GGA1: variants seen among roughly 807,000 people sequenced by gnomAD.
GGA1 encodes the protein ADP-ribosylation factor-binding protein GGA1.
A neutral mutation model predicts 76.9 loss-of-function variants in GGA1; 18 were observed. The ratio of observed to expected loss-of-function variants is 0.23; its 90% CI spans 0.16 to 0.35. GGA1 has a LOEUF of 0.35. GGA1 is among the 10% of genes least tolerant of loss of function. The probability of loss-of-function intolerance (pLI) is 1.00; values close to 1 mark genes in which losing one functional copy is unlikely to be tolerated. For synonymous variants in GGA1, 342 were observed against 354.7 expected, an observed-to-expected ratio of 0.96 and a Z score of 0.40; for missense variants, 755 against 859.0, an observed-to-expected ratio of 0.88 and a Z score of 1.51.
chr22:37,632,667 G>C lies in GGA1; in HGVS notation c.1876G>C (p.Asp626His), dbSNP rs773526813. Residue 626 changes from aspartate to histidine, a missense_variant, in exon 17 of 17, where the codon GAT (aspartate) becomes CAT (histidine). Physicochemically the swap from Asp to His is moderately conservative, Grantham distance 81. Coordinates refer to ENST00000343632, the MANE Select transcript of GGA1 (RefSeq NM_013365.5). This position sits in a 1 kb window ranked among gnomAD's most constrained non-coding sequence, Gnocchi z 5.1. ...TGACCAGACCTACAACGAGATGGGG[G>C]ATGTGGACCAGTTCCCCCCACCTGA... Reference protein sequence around the residue: ...MGDQTYNEMGDVDQFPPPETW... With the variant: ...MGDQTYNEMGHVDQFPPPETW... 6.2e-7 allele frequency: 1 copy of C among 1,613,052 alleles called. No individual in the cohort carries two copies. Among genetic ancestry groups the C allele is most frequent in the Admixed American group, 1.7e-5 (1 of 60,004 alleles).
chr22:37,623,668 C>T lies in GGA1; in HGVS notation c.832+35C>T. On this transcript the variant is annotated intron_variant, in intron 9 of 16. Transcript: ENST00000343632. The surrounding 1 kb of genome is among the most constrained non-coding windows in gnomAD (Gnocchi z 4.6). Reference sequence around the variant, plus strand: ...GGGCAGGTGCTGAGGTCAGGTCCCCCCCTCTCCCTCCACCTCCTGCCCCCA... The same window carrying T: ...GGGCAGGTGCTGAGGTCAGGTCCCCTCCTCTCCCTCCACCTCCTGCCCCCA... 2 of 1,373,388 alleles carry T rather than the reference C, an allele frequency of 1.5e-6. No homozygotes were observed. The highest frequency in any genetic ancestry group is 2.0e-6 in the Non-Finnish European group (2 of 985,380). The allele number at this position is 1,373,388 out of a possible 1,614,324, so 85.1% of individuals were successfully genotyped here. A position where few individuals can be genotyped will look rare whatever the true frequency, so the allele number is the denominator to read the frequency against.
chr22:37,627,870 G>A (rs1365104385), intron 11 of GGA1, among the ~76,000 whole-genome samples: 1 of 152,242 alleles, frequency 6.6e-6, no homozygotes, highest in South Asian at 2.1e-4. Context: ...AGGGGTGGGA[G>A]ACAGGTTCCT....
chr22:37,615,899 G>A (rs192812659), intron 2 of GGA1, among the ~76,000 whole-genome samples: 27 of 151,028 alleles, frequency 1.8e-4, no homozygotes, highest in Middle Eastern at 3.4e-3. Context: ...GGAGTGCATT[G>A]GCACGATCTC....
At chr22:37,615,944 G>A (rs1468453392) in intron 2 of GGA1, among the ~76,000 whole-genome samples, 1 of 151,512 alleles carries the variant, frequency 6.6e-6, no homozygotes, top group African/African-American at 2.4e-5. Context: ...AGGTTCACGC[G>A]GTTCTCCTGC....
In GGA1 at chr22:37,622,578, C is replaced by A. The variant is rs150179500; in HGVS notation, c.610-749C>A. ...GACCAAAGGCACACGCTACAGCGCC[C>A]GGCTAATTTTATTTTTTGTAGAGAC... On this transcript the variant is annotated intron_variant, in intron 7 of 16. Transcript: ENST00000343632. Among the ~76,000 whole-genome samples the A allele has an allele frequency of 3.3e-5, 5 of 152,004 alleles. No homozygotes were observed. In the East Asian group the frequency reaches 9.7e-4, roughly 29 times the overall value.
chr22:37,628,157 A>G (rs1210586613), intron 11 of GGA1, among the ~76,000 whole-genome samples: 1 of 152,144 alleles, frequency 6.6e-6, no homozygotes, highest in Admixed American at 6.6e-5. Context: ...GGGTCTCACT[A>G]TATTGCTCAG....
chr22:37,624,914 G>T lies in GGA1; in HGVS notation c.833-55G>T. ...GGATGTGGGGTCCTCGTCCCCTGCC[G>T]CCCAGAGGCCCCCACAGTCCTTCAG... On this transcript the variant is annotated intron_variant, in intron 9 of 16. Coordinates refer to ENST00000343632, the MANE Select transcript of GGA1 (RefSeq NM_013365.5). The surrounding 1 kb of genome is among the most constrained non-coding windows in gnomAD (Gnocchi z 4.3). The T allele has an allele frequency of 6.5e-7, 1 of 1,536,434 alleles. No homozygotes were observed. Among genetic ancestry groups the T allele is most frequent in the Non-Finnish European group, 8.8e-7 (1 of 1,136,712 alleles).
At chr22:37,626,739 G>GGGCGGGGTCT (rs1568989477) in intron 11 of GGA1, 1 of 152,348 alleles carries the variant, frequency 6.6e-6, no homozygotes, top group African/African-American at 2.4e-5. Context: ...GGGGCGCCCT[G>GGGCGGGGTCT]GGCGGGGTCT....
rs1354332547 is a variant in GGA1 at position 37,616,939 on chromosome 22, G to A, written c.146G>A (p.Arg49Gln). ...CCACCCAGGCCTCCACTCGCCACCC[G>A]GCTGCTGGCCCACAAGATCCAGTCC... Reference protein sequence around the residue: ...EDFEGPPLATRLLAHKIQSPQ... With the variant: ...EDFEGPPLATQLLAHKIQSPQ... The change falls in exon 3 of 17, where the codon CGG (arginine) becomes CAG (glutamine). Residue 49 changes from arginine (R) to glutamine (Q), a missense_variant. Transcript: ENST00000343632. 3.7e-6 allele frequency: 6 copies of A among 1,607,074 alleles called. No homozygotes were observed. The highest frequency in any genetic ancestry group is 1.3e-5 in the African/African-American group (1 of 74,690).
intron 1 of GGA1, 168 bp from the exon 2 acceptor site, chr22:37,614,022 C>G (rs941650559): frequency 4.9e-6 from 3 of 614,876 alleles, no homozygotes; most frequent in African/African-American, 3.7e-5. Context: ...TCTGTCTACA[C>G]CCACAATCAG....
Position 37,631,924 on chromosome 22 carries a change from G to A in GGA1, c.1529-72G>A, listed in dbSNP as rs149672696. On this transcript the variant is annotated intron_variant, in intron 14 of 16. Coordinates refer to ENST00000343632, the MANE Select transcript of GGA1 (RefSeq NM_013365.5). ...CAGCAGCCAGCTCCTGAGGCCAGCC[G>A]GGTGGGGGCTGGGGGCTGAGCGGAT... The A allele has an allele frequency of 3.0e-4, 414 of 1,379,408 alleles. 1 individual carries two copies. In the African/African-American group the frequency reaches 4.6e-3, roughly 15 times the overall value. 85.4% of individuals were successfully genotyped at this position (1,379,408 alleles called of 1,614,324 possible).
At chr22:37,611,732 C>T (rs1034515131) in intron 1 of GGA1, among the ~76,000 whole-genome samples, 5 of 152,190 alleles carry the variant, frequency 3.3e-5, no homozygotes, top group Admixed American at 2.0e-4. Context: ...ACCCTCAGCT[C>T]GGTGCTCAGG....
rs114119733 is a variant in GGA1 at position 37,626,065 on chromosome 22, C to T, written c.1093+116C>T. Reference sequence around the variant, plus strand: ...CCCCAGGTGTGGATCCTGTGGGGCACGTGGATGAGCATTAGGCCCACTTCA... The same window carrying T: ...CCCCAGGTGTGGATCCTGTGGGGCATGTGGATGAGCATTAGGCCCACTTCA... On this transcript the variant is annotated intron_variant, in intron 11 of 16. Coordinates refer to ENST00000343632, the MANE Select transcript of GGA1 (RefSeq NM_013365.5). 5.7e-3 allele frequency: 4,243 copies of T among 742,810 alleles called. 141 individuals are homozygous for T. The African/African-American group carries it at 0.068, about 12-fold the overall frequency. 46.0% of individuals were successfully genotyped at this position (742,810 alleles called of 1,614,324 possible).
Position 37,629,991 on chromosome 22 carries a change from C to A in GGA1, c.1159-7C>A. 6.5e-7 allele frequency: 1 copy of A among 1,543,712 alleles called. No individual in the cohort carries two copies. Among genetic ancestry groups the A allele is most frequent in the South Asian group, 1.2e-5 (1 of 81,726 alleles). Reference sequence around the variant, plus strand: ...GCCCCACCCCACCTGCATCCTTTTCCCCACAGTCGTCGGATGCCACTGAGC... The same window carrying A: ...GCCCCACCCCACCTGCATCCTTTTCACCACAGTCGTCGGATGCCACTGAGC... On this transcript the variant is annotated splice_polypyrimidine_tract_variant and splice_region_variant and intron_variant, in intron 12 of 16. Coordinates refer to ENST00000343632, the MANE Select transcript of GGA1 (RefSeq NM_013365.5).
chr22:37,614,812 C>T (rs1928437755), intron 2 of GGA1, among the ~76,000 whole-genome samples: 1 of 152,126 alleles, frequency 6.6e-6, no homozygotes, highest in South Asian at 2.1e-4. Flanking sequence ...CACCCCGTCT[C>T]TACTAAAAAT....
chr22:37,618,153 G>GAA (rs1303341013), intron 3 of GGA1: 66 of 278,906 alleles, frequency 2.4e-4, no homozygotes, highest in Admixed American at 7.3e-4. Flanking sequence ...AAAATAGTAA[G>GAA]AAAATAATGT....
In GGA1 at chr22:37,616,976, G is replaced by T; in HGVS notation, c.183G>T (p.Trp61Cys). 1 of 1,608,778 alleles carries T rather than the reference G, an allele frequency of 6.2e-7. No individual in the cohort carries two copies. Among genetic ancestry groups the T allele is most frequent in the East Asian group, 2.2e-5 (1 of 44,582 alleles). ...LAHKIQSPQE[W>C]EAIQALTVLE... ...ACAAGATCCAGTCCCCACAGGAGTG[G>T]GAGGCGATCCAGGCCTTGACGGTGA... Residue 61 changes from tryptophan to cysteine, a missense_variant, in exon 3 of 17, where the codon TGG (tryptophan) becomes TGT (cysteine). Physicochemically the swap from Trp to Cys is radical, Grantham distance 215. Transcript: ENST00000343632.
rs1298685751 is a variant in GGA1 at position 37,621,619 on chromosome 22, C to T, written c.532C>T (p.Leu178=). The change falls in exon 7 of 17, where the codon CTG becomes TTG. Residue 178 remains leucine (L), a synonymous_variant. Coordinates refer to ENST00000343632, the MANE Select transcript of GGA1 (RefSeq NM_013365.5). ...IFEDEEKSKM[L]ARLLKSSHPE... is the part of the protein sequence containing the mutation. ...TCACACCCCTCTGTCTCTGCAGATG[C>T]TGGCCCGCCTGCTGAAGAGCTCCCA... The T allele has an allele frequency of 1.3e-6, 2 of 1,550,856 alleles. No homozygotes were observed. The highest frequency in any genetic ancestry group is 1.7e-6 in the Non-Finnish European group (2 of 1,146,158).
rs528821080 is a variant in GGA1 at position 37,613,573 on chromosome 22, G to A, written c.44-617G>A. ...CCACCACCAAGCCCGGCTAATTTTT[G>A]TATTTTTAGTAGAGATGGGGTTTCA... is the stretch of plus-strand genomic sequence containing the variant. On this transcript the variant is annotated intron_variant, in intron 1 of 16. Coordinates refer to ENST00000343632, the MANE Select transcript of GGA1 (RefSeq NM_013365.5). Among the ~76,000 whole-genome samples the A allele has an allele frequency of 3.3e-5, 5 of 152,094 alleles. No individual in the cohort carries two copies. In the East Asian group the frequency reaches 7.7e-4, roughly 24 times the overall value.
Sources: gnomAD v4.1 joint callset for allele counts (sites outside exome capture counted in the v4.1 genomes callset) on GRCh38, gnomAD v4.1.1 for gene constraint, Gnocchi (gnomAD v3.1) non-coding constraint, MANE v1.5 for transcripts, NCBI Gene and HGNC (gene_info 2026-07-23, HGNC 2026-07-21) for gene names.